TMOD2: variants seen among roughly 807,000 people sequenced by gnomAD.
TMOD2 encodes the protein tropomodulin-2.
In TMOD2, 22 loss-of-function variants were observed where a neutral mutation model predicts 39.9. The ratio of observed to expected loss-of-function variants is 0.55; its 90% CI spans 0.39 to 0.79. The LOEUF is 0.79. Among genes scored for constraint, TMOD2 ranks in the 30% least tolerant of loss-of-function variants. TMOD2 has a pLI of 0.00. For missense variants in TMOD2, 386 were observed against 413.3 expected, an observed-to-expected ratio of 0.93 and a Z score of 0.57; for synonymous variants, 123 against 146.1, an observed-to-expected ratio of 0.84 and a Z score of 1.14.
intron 9 of TMOD2, among the ~76,000 whole-genome samples, 172 bp downstream of exon 9, chr15:51,806,693 G>A (rs773488017): frequency 1.3e-5 from 2 of 152,106 alleles, no homozygotes; most frequent in African/African-American, 2.4e-5. Context: ...TGTGGTCCTC[G>A]CAGTGTTAAG....
intron 1 of TMOD2, among the ~76,000 whole-genome samples, chr15:51,761,048 G>T (rs191386264): frequency 1.1e-3 from 167 of 152,248 alleles, no homozygotes; most frequent in African/African-American, 3.6e-3. Flanking sequence ...TAGATTGTCT[G>T]GATTTCATTC....
At chr15:51,808,160 G>A (rs1224219461) in intron 9 of TMOD2, among the ~76,000 whole-genome samples, 1 of 152,086 alleles carries the variant, frequency 6.6e-6, no homozygotes, top group African/African-American at 2.4e-5. Context: ...GGTCTCTTCT[G>A]GAATTTCTAT....
intron 8 of TMOD2, among the ~76,000 whole-genome samples, chr15:51,801,288 GTCTCTCTC>G (rs72529496): frequency 0.024 from 2,644 of 111,714 alleles, 33 homozygotes; most frequent in Non-Finnish European, 0.036. Context: ...CACACACCCT[GTCTCTCTC>G]TCTCTCTCTC....
chr15:51,803,560 A>T (rs891329037), intron 8 of TMOD2, among the ~76,000 whole-genome samples: 24 of 152,300 alleles, frequency 1.6e-4, no homozygotes, highest in African/African-American at 5.8e-4. Context: ...CATAAACCAA[A>T]TGGAAGAAAT....
At chr15:51,800,291 T>C (rs1236250416) in intron 8 of TMOD2, among the ~76,000 whole-genome samples, 1 of 152,118 alleles carries the variant, frequency 6.6e-6, no homozygotes, top group Non-Finnish European at 1.5e-5. Context: ...TCCCAGCACT[T>C]TGGGAGGCCG....
At chr15:51,795,447 T>G (rs982191299) in intron 7 of TMOD2, among the ~76,000 whole-genome samples, 2 of 151,856 alleles carry the variant, frequency 1.3e-5, no homozygotes, top group South Asian at 2.1e-4. Flanking sequence ...AAAAAAAAGT[T>G]TTTTTTATTC....
At chr15:51,794,660 C>T (rs8035223) in intron 7 of TMOD2, among the ~76,000 whole-genome samples, 4 of 152,200 alleles carry the variant, frequency 2.6e-5, no homozygotes, top group Non-Finnish European at 5.9e-5. Context: ...CGATTTAATT[C>T]ATCTGGGGTA....
intron 7 of TMOD2, among the ~76,000 whole-genome samples, chr15:51,795,831 T>A (rs2056047716): frequency 6.6e-6 from 1 of 152,046 alleles, no homozygotes; most frequent in Non-Finnish European, 1.5e-5. Flanking sequence ...TATTATTTTC[T>A]TTTATTTCAA....
In TMOD2 at chr15:51,781,239, G is replaced by T. The variant is rs79664365; in HGVS notation, c.624+65G>T. 3,458 of 1,453,900 alleles carry T rather than the reference G, an allele frequency of 2.4e-3. 6 individuals carry two copies. The highest frequency in any genetic ancestry group is 2.9e-3 in the Non-Finnish European group (3,122 of 1,078,342). 90.1% of individuals were successfully genotyped at this position (1,453,900 alleles called of 1,614,324 possible). ...TGAGGTCAGAAAACTTACCAGAGAT[G>T]ACCTATTGCTTGTTTTCACACCTGT... On this transcript the variant is annotated intron_variant, in intron 6 of 9. Coordinates refer to ENST00000249700, the MANE Select transcript of TMOD2 (RefSeq NM_014548.4).
At chr15:51,763,469 C>A (rs1329733039) in intron 1 of TMOD2, among the ~76,000 whole-genome samples, 6 of 152,224 alleles carry the variant, frequency 3.9e-5, no homozygotes, top group Non-Finnish European at 7.3e-5. Context: ...ATATCTGGTT[C>A]TTTTCCACAT....
intron 7 of TMOD2, among the ~76,000 whole-genome samples, chr15:51,788,980 T>A (rs1001540531): frequency 3.3e-5 from 5 of 152,216 alleles, no homozygotes; most frequent in African/African-American, 1.2e-4. Context: ...GCTAGCATCA[T>A]AATGACAGGA....
chr15:51,771,927 A>G (rs1371032887), intron 3 of TMOD2, among the ~76,000 whole-genome samples: 1 of 152,208 alleles, frequency 6.6e-6, no homozygotes, highest in Non-Finnish European at 1.5e-5. Context: ...AGTAGGATGC[A>G]TGTCAGTGAT....
At chr15:51,780,806 G>A (rs539609029) in intron 5 of TMOD2, among the ~76,000 whole-genome samples, 2 of 152,282 alleles carry the variant, frequency 1.3e-5, no homozygotes, top group East Asian at 3.9e-4. Flanking sequence ...CTGAACTTTG[G>A]GTCCATGCAG....
At position 51,809,326 on chromosome 15, in the gene TMOD2, A is replaced by T. The variant is rs1001026848; in HGVS notation, c.*872A>T. The T allele has an allele frequency of 6.5e-6, 1 of 152,686 alleles. No individual in the cohort carries two copies. Among genetic ancestry groups the T allele is most frequent in the African/African-American group, 2.4e-5 (1 of 41,474 alleles). 9.5% of individuals were successfully genotyped at this position (152,686 alleles called of 1,614,324 possible). ...ATTGTATCTTAATCAAGGCTGTCTG[A>T]TGCAGATGATTGCATTTTTTGGCAA... On this transcript the variant is annotated 3_prime_UTR_variant, in exon 10 of 10. Coordinates refer to ENST00000249700, the MANE Select transcript of TMOD2 (RefSeq NM_014548.4).
Position 51,815,248 on chromosome 15 carries a change from A to G in TMOD2, c.*6794A>G, listed in dbSNP as rs2056182101. 6.4e-6 allele frequency: 1 copy of G among 156,996 alleles called. No individual in the cohort carries two copies. Among genetic ancestry groups the G allele is most frequent in the Admixed American group, 6.5e-5 (1 of 15,382 alleles). 9.7% of individuals were successfully genotyped at this position (156,996 alleles called of 1,614,324 possible). On this transcript the variant is annotated 3_prime_UTR_variant, in exon 10 of 10. Coordinates refer to ENST00000249700, the MANE Select transcript of TMOD2 (RefSeq NM_014548.4). ...CTGCACTCCAGCCTGGGTGACAAGA[A>G]CGAAACTCCATCTCAAAAAATAAAA...
chr15:51,792,781 G>A (rs376570881), intron 7 of TMOD2, among the ~76,000 whole-genome samples: 28 of 152,060 alleles, frequency 1.8e-4, no homozygotes, highest in Admixed American at 1.4e-3. Context: ...ACCAAACACC[G>A]CATGTTCTCA....
intron 1 of TMOD2, among the ~76,000 whole-genome samples, chr15:51,760,414 T>C (rs1181677655): frequency 1.3e-5 from 2 of 152,162 alleles, no homozygotes; most frequent in African/African-American, 4.8e-5. Context: ...AAAAATTGCA[T>C]GACACTGACT....
In TMOD2 at chr15:51,798,192, A is replaced by G. The variant is rs779740368; in HGVS notation, c.733-5A>G. ...TCTAAGTTTTTTTTCTTTTTGCATC[A>G]TAAGGCTTTTGCAGACATGCTGAAA... On this transcript the variant is annotated splice_region_variant and splice_polypyrimidine_tract_variant and intron_variant, in intron 7 of 9. Coordinates refer to ENST00000249700, the MANE Select transcript of TMOD2 (RefSeq NM_014548.4). 29 of 1,582,210 alleles carry G rather than the reference A, an allele frequency of 1.8e-5. No individual in the cohort carries two copies. Among genetic ancestry groups the G allele is most frequent in the South Asian group, 3.5e-5 (3 of 84,528 alleles).
chr15:51,805,757 ATAT>A (rs2056118007), intron 8 of TMOD2, among the ~76,000 whole-genome samples: 1 of 152,198 alleles, frequency 6.6e-6, no homozygotes, highest in Non-Finnish European at 1.5e-5. Flanking sequence ...TACCCCATAA[ATAT>A]TATATACCTA....
Sources: gnomAD v4.1 joint callset for allele counts (sites outside exome capture counted in the v4.1 genomes callset) on GRCh38, gnomAD v4.1.1 for gene constraint, MANE v1.5 for transcripts, NCBI Gene and HGNC (gene_info 2026-07-23, HGNC 2026-07-21) for gene names.